The following MYO15A variants were observed in gnomAD, a reference collection of about 807,000 sequenced individuals.
MYO15A encodes unconventional myosin-XV.
In MYO15A, 308 loss-of-function variants were observed where a neutral mutation model predicts 394.6. The ratio of observed to expected loss-of-function variants is 0.78; its 90% confidence interval spans 0.71 to 0.86. The LOEUF is 0.86. Ranked by LOEUF, MYO15A falls within the 40% of genes least tolerant of loss-of-function variation. The pLI is 0.00. For missense variants in MYO15A, 4,606 were observed against 4,799.1 expected, an observed-to-expected ratio of 0.96 and a Z score of 1.19; for synonymous variants, 1,957 against 2,003.8, an observed-to-expected ratio of 0.98 and a Z score of 0.62.
At chr17:18,175,292 C>T (rs1263248220) in intron 65 of MYO15A, among the ~76,000 whole-genome samples, 115 of 91,254 alleles carry the variant, frequency 1.3e-3, no homozygotes, top group Admixed American at 1.7e-3. Context: ...TCTAGACTAT[C>T]TTTTTTTTTT....
In MYO15A at chr17:18,121,238, C is replaced by A; in HGVS notation, c.2438C>A (p.Pro813Gln). Residue 813 changes from proline to glutamine, a missense_variant, in exon 2 of 66, where the codon CCG becomes CAG. Around this residue, in one of 2 missense-constraint regions of MYO15A, gnomAD observed 1,830 missense variants for 1,689.7 expected, o/e 1.08. Coordinates refer to ENST00000647165, the MANE Select transcript of MYO15A (RefSeq NM_016239.4). This position sits in a 1 kb window ranked among gnomAD's most constrained non-coding sequence, Gnocchi z 5.3. ...CCCTTCCAGCCGCCCTTCCTGCCCC[C>A]GGCCCGCCGGCCCCGCTCGCTGCAG... Reference protein sequence around the residue: ...TGPFQPPFLPPARRPRSLQES... With the variant: ...TGPFQPPFLPQARRPRSLQES... 6.8e-7 allele frequency: 1 copy of A among 1,476,766 alleles called. No individual in the cohort carries two copies. 91.5% of individuals were successfully genotyped at this position (1,476,766 alleles called of 1,614,324 possible). A position where few individuals can be genotyped will look rare whatever the true frequency, so the allele number is the denominator to read the frequency against.
chr17:18,119,599 T>C lies in MYO15A; in HGVS notation c.799T>C (p.Tyr267His), dbSNP rs1029722022. The C allele has an allele frequency of 7.5e-6, 12 of 1,604,022 alleles. No homozygotes were observed. The highest frequency in any genetic ancestry group is 1.0e-5 in the Non-Finnish European group (12 of 1,179,894). ...ACCCTACCTGGCGGGCCTCGGCCCC[T>C]ACAGCCCGGCCTGGCCACCCTACGG... ...QEPYLAGLGP[Y>H]SPAWPPYGDH... Residue 267 changes from tyrosine (Y) to histidine (H), a missense_variant, in exon 2 of 66, where the codon TAC becomes CAC. Around this residue, in one of 2 missense-constraint regions of MYO15A, gnomAD observed 1,830 missense variants for 1,689.7 expected, o/e 1.08. Transcript: ENST00000647165.
intron 64 of MYO15A, chr17:18,173,570 A>G (rs1005093201): frequency 3.2e-5 from 21 of 649,632 alleles, no homozygotes; most frequent in Non-Finnish European, 5.1e-5. Flanking sequence ...TCATCTCATC[A>G]GTATTTGTTG....
At position 18,163,737 on chromosome 17, in the gene MYO15A, C is replaced by A; in HGVS notation, c.9691-5C>A. 2 of 1,611,062 alleles carry A rather than the reference C, an allele frequency of 1.2e-6. No individual in the cohort carries two copies. ...ATGGCCTCATCTCTTCCGCCCCACC[C>A]CCAGGTGGCCCTGGACGTGGTGGAA... On this transcript the variant is annotated splice_region_variant and splice_polypyrimidine_tract_variant and intron_variant, in intron 59 of 65. Coordinates refer to ENST00000647165, the MANE Select transcript of MYO15A (RefSeq NM_016239.4).
chr17:18,145,502 C>T (rs898502581), intron 29 of MYO15A, among the ~76,000 whole-genome samples: 3 of 152,070 alleles, frequency 2.0e-5, no homozygotes, highest in African/African-American at 7.2e-5. Context: ...TCCCTTGAGT[C>T]CAGGAGTTTG....
intron 18 of MYO15A, chr17:18,139,301 C>T (rs545383680): frequency 1.6e-4 from 101 of 625,944 alleles, no homozygotes; most frequent in Non-Finnish European, 2.4e-4. Context: ...CCCATCCGGG[C>T]CTTACTTTTC....
chr17:18,164,108 C>A (rs2046815228), intron 60 of MYO15A: 6 of 514,832 alleles, frequency 1.2e-5, no homozygotes, highest in Non-Finnish European at 2.1e-5. Flanking sequence ...AATGTGAGGA[C>A]ACAGGCCGTG....
rs372011849 is a variant in MYO15A, at chr17:18,144,043, C to G, written c.6177+43C>G. On this transcript the variant is annotated intron_variant, in intron 28 of 65. Transcript: ENST00000647165. Reference sequence around the variant, plus strand: ...TCCAAGGCTCCCTGGCTGATAGGCGCTGACCAATTAGAATGGACATTGTCC... The same window carrying G: ...TCCAAGGCTCCCTGGCTGATAGGCGGTGACCAATTAGAATGGACATTGTCC... 2.4e-5 allele frequency: 39 copies of G among 1,612,056 alleles called. No individual in the cohort carries two copies. In the Admixed American group the frequency reaches 2.8e-4, roughly 12 times the overall value.
At chr17:18,175,902 C>T (rs2047008227) in intron 65 of MYO15A, among the ~76,000 whole-genome samples, 1 of 152,198 alleles carries the variant, frequency 6.6e-6, no homozygotes, top group South Asian at 2.1e-4. Flanking sequence ...CCTCCAGCCA[C>T]CCTGGCTCCC....
chr17:18,124,333 A>G, intron 2 of MYO15A, 150 bp from the exon 3 acceptor site: 1 of 750,604 alleles, frequency 1.3e-6, no homozygotes, highest in Admixed American at 2.0e-5. Flanking sequence ...GGGCCACAGC[A>G]TTCTGTAATG....
At chr17:18,145,581 G>T (rs1009129568) in intron 29 of MYO15A, among the ~76,000 whole-genome samples, 4 of 152,130 alleles carry the variant, frequency 2.6e-5, no homozygotes, top group Admixed American at 1.3e-4. Context: ...GGGTGTGGCT[G>T]CATGTGCCTG....
intron 7 of MYO15A, among the ~76,000 whole-genome samples, chr17:18,127,834 G>GATACATAT (rs144238362): frequency 7.6e-6 from 1 of 131,082 alleles, no homozygotes. Flanking sequence ...GAAAAAAAAA[G>GATACATAT]ATATATATAT....
chr17:18,118,808 A>G lies in MYO15A; in HGVS notation c.8A>G (p.Lys3Arg), dbSNP rs762049589. The stretch of plus-strand genomic sequence containing the variant: ...AGAGAGCAGGCAGCCACCATGGCGA[A>G]GGAGGAAGATGAGGAGAAGAAAGCC... MA[K>R]EEDEEKKAKK... The change falls in exon 2 of 66, where the codon AAG becomes AGG. Residue 3 changes from lysine (K) to arginine (R), a missense_variant. Coordinates refer to ENST00000647165, the MANE Select transcript of MYO15A (RefSeq NM_016239.4). 3 of 1,608,972 alleles carry G rather than the reference A, an allele frequency of 1.9e-6. No homozygotes were observed. The highest frequency in any genetic ancestry group is 2.5e-6 in the Non-Finnish European group (3 of 1,177,808).
rs769845498 is a variant in MYO15A at position 18,144,599 on chromosome 17, G to T, written c.6273+7G>T. On this transcript the variant is annotated splice_region_variant and intron_variant, in intron 29 of 65. Transcript: ENST00000647165. ...CGTGAGCATCTTCAAGCTGGTATGG[G>T]GTCTGCCCCAGCCCACCTTCTAATT... The T allele has an allele frequency of 3.5e-5, 56 of 1,610,710 alleles. 1 individual carries two copies. The South Asian group carries it at 6.0e-4, about 17-fold the overall frequency.
intron 53 of MYO15A, 119 bp from the exon 54 acceptor site, chr17:18,159,156 C>T: frequency 7.2e-7 from 1 of 1,393,922 alleles, no homozygotes; most frequent in South Asian, 1.2e-5. Context: ...AGTGTTGGGC[C>T]TGGCTCCCCT....
chr17:18,120,217 C>T lies in MYO15A; in HGVS notation c.1417C>T (p.Leu473Phe). Residue 473 changes from leucine to phenylalanine, a missense_variant, in exon 2 of 66, where the codon CTC (leucine) becomes TTC (phenylalanine). By Grantham distance (22) the Leu-to-Phe change is conservative (BLOSUM62 0). Transcript: ENST00000647165. ...MDKPARSKLS[L>F]IRKFRLFPRP... ...TAAGCCCGCCAGGTCCAAGCTGTCC[C>T]TCATCCGCAAGTTCCGCCTCTTCCC... 6.2e-7 allele frequency: 1 copy of T among 1,612,806 alleles called. No individual in the cohort carries two copies. The highest frequency in any genetic ancestry group is 8.5e-7 in the Non-Finnish European group (1 of 1,179,896).
At chr17:18,115,649 C>T (rs1384214146) in intron 1 of MYO15A, among the ~76,000 whole-genome samples, 2 of 152,168 alleles carry the variant, frequency 1.3e-5, no homozygotes, top group African/African-American at 4.8e-5. Context: ...AATTCCATCC[C>T]TTCTCTGCCA....
In MYO15A at chr17:18,168,768, T is replaced by G. The variant is rs541013780; in HGVS notation, c.10082+1045T>G. ...TAATGCTCACAATGTAAATCAGTCATTCTCAAATTTTTGGTCTCAAGACCT... is the reference window on the plus strand; with the variant it reads ...TAATGCTCACAATGTAAATCAGTCAGTCTCAAATTTTTGGTCTCAAGACCT... On this transcript the variant is annotated intron_variant, in intron 62 of 65. Coordinates refer to ENST00000647165, the MANE Select transcript of MYO15A (RefSeq NM_016239.4). Among the ~76,000 whole-genome samples, 38 of 151,898 alleles carry G rather than the reference T, an allele frequency of 2.5e-4. No individual in the cohort carries two copies. In the South Asian group the frequency reaches 7.7e-3, roughly 31 times the overall value.
intron 5 of MYO15A, 112 bp from the exon 6 acceptor site, chr17:18,126,679 T>G: frequency 1.5e-6 from 2 of 1,299,848 alleles, no homozygotes. Flanking sequence ...CCCAACAGGG[T>G]GAGGGGTGGG....
Sources: gnomAD v4.1 joint callset for allele counts (sites outside exome capture counted in the v4.1 genomes callset) on GRCh38, gnomAD v4.1.1 for gene constraint, gnomAD v4.1.1 regional missense constraint, Gnocchi (gnomAD v3.1) non-coding constraint, MANE v1.5 for transcripts, NCBI Gene and HGNC (gene_info 2026-07-23, HGNC 2026-07-21) for gene names.